TMEM47: variants seen among roughly 807,000 people sequenced by gnomAD.
The protein encoded by TMEM47 is brain cell membrane protein 1.
Under a neutral mutation model 12.4 loss-of-function variants are expected in TMEM47, and 3 were observed. The observed-to-expected ratio is 0.24, with a 90% CI of 0.11 to 0.63. The LOEUF (loss-of-function observed/expected upper bound fraction) is 0.63, where lower values mean the gene tolerates loss of function less well. Ranked by LOEUF, TMEM47 falls within the 20% of genes least tolerant of loss-of-function variation. The pLI is 0.86. For synonymous variants in TMEM47, 62 were observed against 63.3 expected (o/e 0.98, Z 0.10); for missense variants, 89 against 143.8 (o/e 0.62, Z 1.95).
rs1921535850 is a variant in TMEM47 at position 34,627,818 on chromosome X, G to A, written c.*2495C>T. On this transcript the variant is annotated 3_prime_UTR_variant, in exon 3 of 3. Coordinates refer to ENST00000275954, the MANE Select transcript of TMEM47 (RefSeq NM_031442.4). ...GCAAAGACATAATGTTAATGTAGGT[G>A]AAAATTTCACTTGTGTTTATTCTGA... 8.9e-6 allele frequency: 1 copy of A among 111,968 alleles called. No individual in the cohort carries two copies. Among genetic ancestry groups the A allele is most frequent in the Admixed American group, 9.6e-5 (1 of 10,428 alleles). The allele number at this position is 111,968 out of a possible 1,213,427, so 9.2% of individuals were successfully genotyped here. A position where few individuals can be genotyped will look rare whatever the true frequency, so the allele number is the denominator to read the frequency against.
intron 1 of TMEM47, among the ~76,000 whole-genome samples, chrX:34,653,538 G>C (rs192784628): frequency 4.5e-5 from 5 of 111,480 alleles, no homozygotes; most frequent in Non-Finnish European, 9.4e-5. Flanking sequence ...AAGAAGAAAT[G>C]TAAAGTCTCC....
intron 1 of TMEM47, among the ~76,000 whole-genome samples, chrX:34,653,047 T>G (rs983090584): frequency 8.9e-6 from 1 of 112,266 alleles, no homozygotes; most frequent in African/African-American, 3.2e-5. Context: ...TCAGAATCAC[T>G]ATATCTCAGA....
chrX:34,652,077 T>C (rs1922027192), intron 1 of TMEM47, among the ~76,000 whole-genome samples: 1 of 112,401 alleles, frequency 8.9e-6, no homozygotes, highest in African/African-American at 3.2e-5. Context: ...TGAGGTCACA[T>C]GATTGGTAAG....
At chrX:34,650,792 G>T (rs2147142026) in intron 1 of TMEM47, among the ~76,000 whole-genome samples, 1 of 112,163 alleles carries the variant, frequency 8.9e-6, no homozygotes, top group South Asian at 3.7e-4. Flanking sequence ...GATTTTGGAA[G>T]GTTTTACATG....
rs147393715 is a variant in TMEM47, at chrX:34,638,728, C to T, written c.367+519G>A. ...TCATTGGTTGATATTTTAATCCAAG[C>T]TGTGCTTCATACAATGATGGTTGAT... On this transcript the variant is annotated intron_variant, in intron 2 of 2. Coordinates refer to ENST00000275954, the MANE Select transcript of TMEM47 (RefSeq NM_031442.4). Among the ~76,000 whole-genome samples the T allele has an allele frequency of 2.4e-4, 27 of 112,348 alleles. No homozygotes were observed. In the East Asian group the frequency reaches 7.0e-3, roughly 29 times the overall value.
chrX:34,639,628 G>C (rs1325458275), intron 1 of TMEM47, among the ~76,000 whole-genome samples: 4 of 111,472 alleles, frequency 3.6e-5, no homozygotes, highest in Non-Finnish European at 7.5e-5. Context: ...TTTCTTCCAA[G>C]GACTCTATTA....
At chrX:34,641,097 C>CAA (rs72059132) in intron 1 of TMEM47, among the ~76,000 whole-genome samples, 17,091 of 97,833 alleles carry the variant, frequency 0.17, 1,224 homozygotes, top group East Asian at 0.45. Context: ...ATTAAAAAGC[C>CAA]AAAAAAAAAA....
intron 2 of TMEM47, among the ~76,000 whole-genome samples, chrX:34,632,654 A>C (rs963452932): frequency 8.9e-6 from 1 of 111,979 alleles, no homozygotes; most frequent in African/African-American, 3.2e-5. Flanking sequence ...GAGTGGATAC[A>C]CAAGTAAGTT....
In TMEM47 at chrX:34,647,528, T is replaced by C. The variant is rs750630661; in HGVS notation, c.227-8141A>G. 2.7e-5 allele frequency among the ~76,000 whole-genome samples: 3 copies of C among 111,735 alleles called. No individual in the cohort carries two copies. The South Asian group carries it at 1.1e-3, about 42-fold the overall frequency. ...AAGACCATGGATGTTTCGTTGTACA[T>C]TTTTTAAGTGAGAGTCTTCAGTGTC... On this transcript the variant is annotated intron_variant, in intron 1 of 2. Transcript: ENST00000275954.
intron 1 of TMEM47, among the ~76,000 whole-genome samples, chrX:34,653,396 C>T (rs1299756544): frequency 9.0e-6 from 1 of 111,721 alleles, no homozygotes; most frequent in African/African-American, 3.2e-5. Flanking sequence ...TTTGTTATAT[C>T]CCTAAATTAC....
At chrX:34,651,603 C>T (rs1922019155) in intron 1 of TMEM47, among the ~76,000 whole-genome samples, 1 of 111,894 alleles carries the variant, frequency 8.9e-6, no homozygotes. Flanking sequence ...GTTAGTTTCC[C>T]AGCATTAGCA....
rs138602539 is a variant in TMEM47, at chrX:34,639,317, A to G, written c.297T>C (p.Gly99=). Residue 99 remains glycine, a synonymous_variant, in exon 2 of 3, where the codon GGT becomes GGC. Coordinates refer to ENST00000275954, the MANE Select transcript of TMEM47 (RefSeq NM_031442.4). The part of the protein sequence containing the change: ...AAIILIAFLV[G]LISICVGSRR... ...GAGATCCCACGCAGATAGAAATCAA[A>G]CCCACCAGGAATGCAATGAGAATGA... 30 of 1,205,393 alleles carry G rather than the reference A, an allele frequency of 2.5e-5. No homozygotes were observed. The African/African-American group carries it at 5.1e-4, about 20-fold the overall frequency.
Position 34,656,729 on chromosome X carries a change from C to T in TMEM47, c.226+75G>A. On this transcript the variant is annotated intron_variant, in intron 1 of 2. Transcript: ENST00000275954. ...GAGGATGCGGGGACGTGGGGACAGGCGGTGACTGTCCTGGCAGTGGGGCGC... is the reference window on the plus strand; with the variant it reads ...GAGGATGCGGGGACGTGGGGACAGGTGGTGACTGTCCTGGCAGTGGGGCGC... 5.3e-6 allele frequency: 6 copies of T among 1,122,414 alleles called. No homozygotes were observed. The South Asian group carries it at 8.5e-5, about 16-fold the overall frequency. 92.5% of individuals were successfully genotyped at this position (1,122,414 alleles called of 1,213,427 possible).
chrX:34,652,916 C>T (rs1922041772), intron 1 of TMEM47, among the ~76,000 whole-genome samples: 1 of 112,307 alleles, frequency 8.9e-6, no homozygotes, highest in African/African-American at 3.2e-5. Flanking sequence ...AATATCAACA[C>T]ATTTCAAGCA....
chrX:34,637,057 T>C (rs1251335555), intron 2 of TMEM47, among the ~76,000 whole-genome samples: 1 of 111,966 alleles, frequency 8.9e-6, no homozygotes, highest in African/African-American at 3.2e-5. Flanking sequence ...ACGGAGAAAA[T>C]AAATATCTAA....
Position 34,628,561 on chromosome X carries a change from T to G in TMEM47, c.*1752A>C. Reference sequence around the variant, plus strand: ...GATAATAAAATAGGTTTTTTTTTTTTGGCTGTTGTTTTTGGCAACCATTCT... The same window carrying G: ...GATAATAAAATAGGTTTTTTTTTTTGGGCTGTTGTTTTTGGCAACCATTCT... On this transcript the variant is annotated 3_prime_UTR_variant, in exon 3 of 3. Coordinates refer to ENST00000275954, the MANE Select transcript of TMEM47 (RefSeq NM_031442.4). The G allele has an allele frequency of 9.0e-6, 1 of 110,757 alleles. No individual in the cohort carries two copies. Among genetic ancestry groups the G allele is most frequent in the East Asian group, 2.8e-4 (1 of 3,534 alleles). The allele number at this position is 110,757 out of a possible 1,213,427, so 9.1% of individuals were successfully genotyped here.
At chrX:34,631,170 C>CAAAA (rs34845525) in intron 2 of TMEM47, among the ~76,000 whole-genome samples, 375 of 18,614 alleles carry the variant, frequency 0.02, 2 homozygotes, top group East Asian at 0.022. Context: ...GACTCTGTCT[C>CAAAA]AAAAAAAAAA....
chrX:34,634,482 T>C (rs1463667067), intron 2 of TMEM47, among the ~76,000 whole-genome samples: 1 of 92,017 alleles, frequency 1.1e-5, no homozygotes, highest in African/African-American at 4.1e-5. Context: ...ATTGGGTGCC[T>C]ACGTGCTAGA....
At chrX:34,644,921 A>T in intron 1 of TMEM47, among the ~76,000 whole-genome samples, 1 of 111,725 alleles carries the variant, frequency 9.0e-6, no homozygotes, top group Non-Finnish European at 1.9e-5. Context: ...ATTAACTAAA[A>T]TGATATCTAT....
Sources: gnomAD v4.1 joint callset for allele counts (sites outside exome capture counted in the v4.1 genomes callset) on GRCh38, gnomAD v4.1.1 for gene constraint, MANE v1.5 for transcripts, NCBI Gene and HGNC (gene_info 2026-07-23, HGNC 2026-07-21) for gene names.